The following PAWR variants were observed in gnomAD, a reference collection of about 807,000 sequenced individuals.
The protein encoded by PAWR is pro-apoptotic WT1 regulator.
Under a neutral mutation model 32.0 loss-of-function variants are expected in PAWR, and 23 were observed. That is an observed-to-expected ratio of 0.72 (90% CI 0.52 to 1.02). PAWR has a LOEUF of 1.02. PAWR is among the 50% of genes least tolerant of loss of function. The pLI is 0.00. For missense variants in PAWR, 457 were observed against 437.7 expected (o/e 1.04, Z -0.39); for synonymous variants, 226 against 187.1 (o/e 1.21, Z -1.70).
At chr12:79,686,044 A>G (rs939672086) in intron 2 of PAWR, among the ~76,000 whole-genome samples, 12 of 152,192 alleles carry the variant, frequency 7.9e-5, no homozygotes, top group African/African-American at 2.4e-4. Context: ...CAGTACATAA[A>G]GCACTTTAGC....
chr12:79,666,700 T>C (rs148190140), intron 2 of PAWR, among the ~76,000 whole-genome samples: 121 of 152,306 alleles, frequency 7.9e-4, no homozygotes, highest in African/African-American at 2.8e-3. Flanking sequence ...GTTTGGAAAA[T>C]AGTTCTCACA....
intron 2 of PAWR, among the ~76,000 whole-genome samples, chr12:79,623,927 C>T (rs560883530): frequency 2.6e-5 from 4 of 151,984 alleles, no homozygotes; most frequent in Non-Finnish European, 5.9e-5. Context: ...GCATAAAAGG[C>T]ATTTTAAATC....
At chr12:79,647,778 CA>C (rs1426852705) in intron 2 of PAWR, among the ~76,000 whole-genome samples, 1 of 152,080 alleles carries the variant, frequency 6.6e-6, no homozygotes, top group East Asian at 1.9e-4. Context: ...AATATAAAGG[CA>C]AAAATCCCTT....
chr12:79,608,541 C>G (rs1160394252), intron 4 of PAWR, among the ~76,000 whole-genome samples: 2 of 152,172 alleles, frequency 1.3e-5, no homozygotes, highest in African/African-American at 2.4e-5. Flanking sequence ...AGGCCACAGA[C>G]AGGTAGCAGT....
intron 2 of PAWR, among the ~76,000 whole-genome samples, chr12:79,634,132 G>A (rs1173813650): frequency 6.6e-6 from 1 of 152,032 alleles, no homozygotes; most frequent in Non-Finnish European, 1.5e-5. Flanking sequence ...ATAACTATAA[G>A]TAAATACATA....
At chr12:79,655,045 G>A (rs1348685170) in intron 2 of PAWR, among the ~76,000 whole-genome samples, 1 of 152,178 alleles carries the variant, frequency 6.6e-6, no homozygotes, top group African/African-American at 2.4e-5. Context: ...TATTGCTGTG[G>A]TACTCTATAG....
rs531749369 is a variant in PAWR, at chr12:79,636,236, G to A, written c.517-15029C>T. ...TAACAAAAAGATTCATCTCATGGCA[G>A]CTTTTTCCTATCAATTTTATAAAAC... On this transcript the variant is annotated intron_variant, in intron 2 of 6. Transcript: ENST00000328827. 1.2e-4 allele frequency among the ~76,000 whole-genome samples: 18 copies of A among 152,172 alleles called. No individual in the cohort carries two copies. In the South Asian group the frequency reaches 3.7e-3, roughly 32 times the overall value.
intron 5 of PAWR, among the ~76,000 whole-genome samples, chr12:79,595,613 G>A (rs1230121580): frequency 6.6e-6 from 1 of 152,182 alleles, no homozygotes; most frequent in African/African-American, 2.4e-5. Flanking sequence ...TTAGGAAGCC[G>A]AGGCGGGTGG....
chr12:79,638,682 T>C (rs1725780625), intron 2 of PAWR, among the ~76,000 whole-genome samples: 1 of 150,992 alleles, frequency 6.6e-6, no homozygotes, highest in Non-Finnish European at 1.5e-5. Context: ...GTATGAATAA[T>C]GGCTCCGACT....
At chr12:79,611,160 A>C (rs1157155677) in intron 4 of PAWR, among the ~76,000 whole-genome samples, 3 of 146,850 alleles carry the variant, frequency 2.0e-5, no homozygotes, top group Non-Finnish European at 4.5e-5. Context: ...ATATATTTAT[A>C]TAAATCTTAT....
intron 4 of PAWR, among the ~76,000 whole-genome samples, chr12:79,598,840 G>A (rs1018480445): frequency 2.6e-5 from 4 of 152,230 alleles, no homozygotes; most frequent in South Asian, 2.1e-4. Context: ...GGGTTCAAGC[G>A]ATCCTCCTGC....
chr12:79,678,609 A>C (rs1205323589), intron 2 of PAWR, among the ~76,000 whole-genome samples: 1 of 152,358 alleles, frequency 6.6e-6, no homozygotes, highest in East Asian at 1.9e-4. Context: ...CTCATGAGTT[A>C]ATGTGAAGAT....
At chr12:79,616,534 A>G (rs1592503274) in intron 3 of PAWR, among the ~76,000 whole-genome samples, 1 of 152,326 alleles carries the variant, frequency 6.6e-6, no homozygotes, top group East Asian at 1.9e-4. Flanking sequence ...AATTTTAACA[A>G]AAACAGAAAT....
intron 2 of PAWR, among the ~76,000 whole-genome samples, chr12:79,675,298 G>A (rs1486744916): frequency 1.3e-5 from 2 of 152,096 alleles, no homozygotes; most frequent in African/African-American, 2.4e-5. Context: ...AGGATCACTT[G>A]AGCCTGGAAG....
intron 4 of PAWR, among the ~76,000 whole-genome samples, chr12:79,602,249 A>G (rs1592492959): frequency 6.6e-6 from 1 of 152,354 alleles, no homozygotes; most frequent in East Asian, 1.9e-4. Flanking sequence ...TGTTTTTCAA[A>G]TAAAAAGGTA....
At chr12:79,632,348 TA>T (rs1566011099) in intron 2 of PAWR, among the ~76,000 whole-genome samples, 885 of 67,282 alleles carry the variant, frequency 0.013, 52 homozygotes, top group Non-Finnish European at 0.016. Context: ...TATATATATA[TA>T]TATATATATA....
rs533031407 is a variant in PAWR, at chr12:79,642,064, ACT to A, written c.517-20859_517-20858del. Among the ~76,000 whole-genome samples, 198 of 152,144 alleles carry A rather than the reference ACT, an allele frequency of 1.3e-3. 2 individuals are homozygous for A. Among genetic ancestry groups the A allele is most frequent in the African/African-American group, 4.7e-3 (194 of 41,530 alleles). ...ATTTTATGTGCCACTGAGAAATGAA[ACT>A]CTGCCAAACTGTAACACATTATCAT... On this transcript the variant is annotated intron_variant, in intron 2 of 6. Transcript: ENST00000328827.
intron 3 of PAWR, among the ~76,000 whole-genome samples, chr12:79,613,950 T>C (rs1566002522): frequency 2.4e-3 from 14 of 5,892 alleles, no homozygotes; most frequent in African/African-American, 8.5e-3. Context: ...TATATATATA[T>C]ATATATATAT....
chr12:79,595,321 G>C (rs996731224), intron 5 of PAWR, among the ~76,000 whole-genome samples: 1 of 152,092 alleles, frequency 6.6e-6, no homozygotes, highest in African/African-American at 2.4e-5. Context: ...AGGGCACTGG[G>C]CTTGGTCAGC....
Sources: gnomAD v4.1 joint callset for allele counts (sites outside exome capture counted in the v4.1 genomes callset) on GRCh38, gnomAD v4.1.1 for gene constraint, MANE v1.5 for transcripts, NCBI Gene and HGNC (gene_info 2026-07-23, HGNC 2026-07-21) for gene names.